Variants in GLRA1 observed in about 807,000 individuals in gnomAD.
GLRA1 encodes the protein glycine receptor subunit alpha-1.
GLRA1 carries 37 observed loss-of-function variants against 48.3 expected under a neutral mutation model. The ratio of observed to expected loss-of-function variants is 0.77; its 90% CI spans 0.59 to 1.01. The LOEUF (loss-of-function observed/expected upper bound fraction) is 1.01. Among genes scored for constraint, GLRA1 ranks in the 50% least tolerant of loss-of-function variants. The pLI, the probability that GLRA1 is intolerant of heterozygous loss-of-function variation, is 0.00. For synonymous variants in GLRA1, 196 were observed against 210.7 expected, an observed-to-expected ratio of 0.93 and a Z score of 0.60; for missense variants, 427 against 571.0, an observed-to-expected ratio of 0.75 and a Z score of 2.57.
intron 3 of GLRA1, among the ~76,000 whole-genome samples, chr5:151,863,191 C>T (rs1000080433): frequency 1.3e-5 from 2 of 152,076 alleles, no homozygotes; most frequent in African/African-American, 4.8e-5. Flanking sequence ...TTTCTTGAGC[C>T]CAGGAGTTTG....
intron 1 of GLRA1, among the ~76,000 whole-genome samples, chr5:151,914,977 G>A (rs1195518639): frequency 1.3e-5 from 2 of 152,218 alleles, no homozygotes; most frequent in East Asian, 3.9e-4. Context: ...ATAGTGGCAG[G>A]GTAATGGTGA....
At position 151,822,607 on chromosome 5, in the gene GLRA1, G is replaced by T; in HGVS notation, c.*66C>A. 9.0e-7 allele frequency: 1 copy of T among 1,109,852 alleles called. No individual in the cohort carries two copies. The highest frequency in any genetic ancestry group is 1.4e-6 in the Non-Finnish European group (1 of 721,714). The allele number at this position is 1,109,852 out of a possible 1,614,324, so 68.8% of individuals were successfully genotyped here. A position where few individuals can be genotyped will look rare whatever the true frequency, so the allele number is the denominator to read the frequency against. ...CCCTCCGTTCCCCTTCTCTTCCTTA[G>T]TCTCTCAGATTCCTGTGCTATTCCC... On this transcript the variant is annotated 3_prime_UTR_variant, in exon 9 of 9. Coordinates refer to ENST00000274576, the MANE Select transcript of GLRA1 (RefSeq NM_000171.4).
rs1247532868 is a variant in GLRA1 at position 151,892,297 on chromosome 5, A to C, written c.184+14T>G. ...AGCATTTCCCTGTGGGTCTGGAAGGAATATTTTCTCTACCTTTAAAATTGG... is the reference window on the plus strand; with the variant it reads ...AGCATTTCCCTGTGGGTCTGGAAGGCATATTTTCTCTACCTTTAAAATTGG... On this transcript the variant is annotated intron_variant, in intron 2 of 8. Coordinates refer to ENST00000274576, the MANE Select transcript of GLRA1 (RefSeq NM_000171.4). 2 of 1,612,968 alleles carry C rather than the reference A, an allele frequency of 1.2e-6. No homozygotes were observed. Among genetic ancestry groups the C allele is most frequent in the Non-Finnish European group, 1.7e-6 (2 of 1,179,036 alleles).
chr5:151,911,890 G>A lies in GLRA1; in HGVS notation c.56+12604C>T, dbSNP rs1052858476. On this transcript the variant is annotated intron_variant, in intron 1 of 8. Transcript: ENST00000274576. ...CCCAAAGTGCTGGAATTACAGGCGTGAGCCACCGCGCCCGGCCCCAAGCTA... is the reference window on the plus strand; with the variant it reads ...CCCAAAGTGCTGGAATTACAGGCGTAAGCCACCGCGCCCGGCCCCAAGCTA... Among the ~76,000 whole-genome samples the A allele has an allele frequency of 5.9e-5, 9 of 151,934 alleles. 1 individual carries two copies. The South Asian group carries it at 1.9e-3, about 32-fold the overall frequency.
In GLRA1 at chr5:151,855,177, A is replaced by G; in HGVS notation, c.560T>C (p.Phe187Ser). The G allele has an allele frequency of 6.2e-7, 1 of 1,613,968 alleles. No homozygotes were observed. Among genetic ancestry groups the G allele is most frequent in the Non-Finnish European group, 8.5e-7 (1 of 1,179,860 alleles). The change falls in exon 6 of 9, where the codon TTT (phenylalanine) becomes TCT (serine). Residue 187 changes from phenylalanine to serine, a missense_variant and splice_region_variant. By Grantham distance (155) the Phe-to-Ser change is radical. Around this residue, in one of 4 missense-constraint regions of GLRA1, gnomAD observed 271 missense variants for 434.9 expected, o/e 0.62. Coordinates refer to ENST00000274576, the MANE Select transcript of GLRA1 (RefSeq NM_000171.4). ...GATGAGGTCATTCATCGTATATCCA[A>G]CTGGGATGGGATCAGAAGAAGGAGC... The part of the protein sequence containing the change: ...VQTCIMQLES[F>S]GYTMNDLIFE...
intron 6 of GLRA1, 87 bp downstream of exon 6, chr5:151,854,953 C>T (rs1036639760): frequency 7.2e-7 from 1 of 1,379,580 alleles, no homozygotes; most frequent in African/African-American, 1.4e-5. Flanking sequence ...TTCATAAGAT[C>T]TGTTGGATCA....
chr5:151,856,817 C>T (rs931583402), intron 4 of GLRA1, among the ~76,000 whole-genome samples: 7 of 152,266 alleles, frequency 4.6e-5, no homozygotes, highest in South Asian at 2.1e-4. Context: ...CCACCATGCC[C>T]GGCCGTGACA....
chr5:151,834,296 A>G (rs1238353719), intron 7 of GLRA1, among the ~76,000 whole-genome samples: 1 of 152,244 alleles, frequency 6.6e-6, no homozygotes, highest in African/African-American at 2.4e-5. Flanking sequence ...CAGCACAATC[A>G]AATTGAAACT....
intron 5 of GLRA1, 60 bp from the exon 6 acceptor site, chr5:151,855,237 CA>C: frequency 6.4e-7 from 1 of 1,555,524 alleles, no homozygotes; most frequent in Non-Finnish European, 8.9e-7. Flanking sequence ...TGAAGCATGT[CA>C]GGATTGGTTA....
intron 7 of GLRA1, among the ~76,000 whole-genome samples, chr5:151,843,868 C>G (rs1752585133): frequency 6.6e-6 from 1 of 152,092 alleles, no homozygotes; most frequent in Admixed American, 6.6e-5. Context: ...TGGATATTCA[C>G]ACGTGAAAGA....
At chr5:151,880,482 A>G (rs1448385561) in intron 3 of GLRA1, among the ~76,000 whole-genome samples, 2 of 152,248 alleles carry the variant, frequency 1.3e-5, no homozygotes, top group African/African-American at 4.8e-5. Context: ...GGTCCTGGCC[A>G]CAGTGCACCT....
chr5:151,833,694 C>T (rs371750718), intron 7 of GLRA1, among the ~76,000 whole-genome samples: 3 of 151,024 alleles, frequency 2.0e-5, no homozygotes, highest in African/African-American at 7.3e-5. Context: ...AACTCCTGAC[C>T]TCAGGCTATC....
intron 6 of GLRA1, among the ~76,000 whole-genome samples, chr5:151,853,412 ATTTTT>A (rs57264480): frequency 7.1e-6 from 1 of 140,906 alleles, no homozygotes; most frequent in African/African-American, 2.6e-5. Context: ...TGCCCAACTA[ATTTTT>A]TTTTTTTTTT....
At chr5:151,916,395 T>C (rs2113460344) in intron 1 of GLRA1, among the ~76,000 whole-genome samples, 1 of 152,364 alleles carries the variant, frequency 6.6e-6, no homozygotes, top group East Asian at 1.9e-4. Flanking sequence ...CCTCTGGAGC[T>C]GGCGAATGTT....
intron 3 of GLRA1, among the ~76,000 whole-genome samples, chr5:151,869,944 A>G (rs1041491863): frequency 6.7e-6 from 1 of 149,658 alleles, no homozygotes; most frequent in East Asian, 1.9e-4. Context: ...TTTGACAATT[A>G]TAGGCTGTAT....
chr5:151,861,509 G>T lies in GLRA1; in HGVS notation c.253-1501C>A, dbSNP rs533693387. Among the ~76,000 whole-genome samples the T allele has an allele frequency of 6.0e-4, 92 of 152,260 alleles. 1 individual carries two copies. The highest frequency in any genetic ancestry group is 2.1e-3 in the African/African-American group (88 of 41,548). ...TGAGCATTTTTTCATGTGTCTGTTG[G>T]CTGCATAAATGTCTTCTTTTGAGAA... On this transcript the variant is annotated intron_variant, in intron 3 of 8. Transcript: ENST00000274576.
intron 7 of GLRA1, among the ~76,000 whole-genome samples, chr5:151,848,636 C>T (rs1347523950): frequency 6.6e-6 from 1 of 152,176 alleles, no homozygotes; most frequent in Non-Finnish European, 1.5e-5. Flanking sequence ...CTCATGGGAG[C>T]GGGAGAGTAA....
At chr5:151,869,542 C>T (rs945550262) in intron 3 of GLRA1, among the ~76,000 whole-genome samples, 87 of 151,116 alleles carry the variant, frequency 5.8e-4, no homozygotes, top group African/African-American at 1.8e-3. Flanking sequence ...GGCGAAACCC[C>T]GTCTCTACTA....
intron 1 of GLRA1, among the ~76,000 whole-genome samples, chr5:151,917,348 G>A (rs141339517): frequency 6.6e-6 from 1 of 152,274 alleles, no homozygotes; most frequent in African/African-American, 2.4e-5. Context: ...GACTCTTGTT[G>A]ACATTATGGG....
Sources: allele counts gnomAD v4.1 joint callset (sites outside exome capture counted in the v4.1 genomes callset), GRCh38; gene constraint gnomAD v4.1.1; regional missense constraint gnomAD v4.1.1; transcripts MANE v1.5; gene names NCBI Gene and HGNC (gene_info 2026-07-23, HGNC 2026-07-21).